QRICH1: variants seen among roughly 807,000 people sequenced by gnomAD.
The protein encoded by QRICH1 is glutamine rich 1.
QRICH1 carries 16 observed loss-of-function variants against 87.1 expected under a neutral mutation model. The ratio of observed to expected loss-of-function variants is 0.18; its 90% CI spans 0.12 to 0.28. QRICH1 has a LOEUF of 0.28. QRICH1 is among the 10% of genes least tolerant of loss of function. The pLI is 1.00. For synonymous variants in QRICH1, 367 were observed against 368.4 expected, an observed-to-expected ratio of 1.00 and a Z score of 0.05; for missense variants, 647 against 951.7, an observed-to-expected ratio of 0.68 and a Z score of 4.21.
At chr3:49,085,142 C>CA (rs939542151) in intron 1 of QRICH1, among the ~76,000 whole-genome samples, 296 of 136,756 alleles carry the variant, frequency 2.2e-3, no homozygotes, top group African/African-American at 5.5e-3. Context: ...GACTCCGTCT[C>CA]AAAAAAAAAA....
chr3:49,051,588 C>A lies in QRICH1; in HGVS notation c.1339-4342G>T, dbSNP rs1170334652. ...CCAAGCTAGAACCCCCCCTGCGCCC[C>A]CCCCCCCCTCCGCTTAATATACCTA... On this transcript the variant is annotated intron_variant, in intron 3 of 9. Transcript: ENST00000395443. 3.3e-3 allele frequency among the ~76,000 whole-genome samples: 433 copies of A among 132,130 alleles called. 6 individuals are homozygous for A. Among genetic ancestry groups the A allele is most frequent in the Non-Finnish European group, 4.2e-3 (259 of 61,270 alleles). The allele number at this position is 132,130 out of a possible 152,430, so 86.7% of individuals were successfully genotyped here.
Position 49,042,321 on chromosome 3 carries a change from G to A in QRICH1, c.1786+2069C>T, listed in dbSNP as rs1018973534. Among the ~76,000 whole-genome samples the A allele has an allele frequency of 2.6e-5, 4 of 151,434 alleles. No homozygotes were observed. The East Asian group carries it at 7.8e-4, about 30-fold the overall frequency. On this transcript the variant is annotated intron_variant, in intron 6 of 9. Transcript: ENST00000395443. ...TCACCGTGTTAGCCAGGATGGTCTC[G>A]ATCTCCCGACCTTGTGATCCACATG...
At chr3:49,061,398 A>G (rs1215187607) in intron 2 of QRICH1, among the ~76,000 whole-genome samples, 1 of 152,264 alleles carries the variant, frequency 6.6e-6, no homozygotes, top group Admixed American at 6.5e-5. Context: ...CATGTTTCTG[A>G]TAACAATACA....
At chr3:49,031,408 AAC>A (rs2093238621) in intron 9 of QRICH1, among the ~76,000 whole-genome samples, 1 of 152,190 alleles carries the variant, frequency 6.6e-6, no homozygotes, top group African/African-American at 2.4e-5. Flanking sequence ...TGTATCCTCT[AAC>A]AGTTATTCAT....
At chr3:49,035,527 G>A (rs1208361077) in intron 6 of QRICH1, among the ~76,000 whole-genome samples, 1 of 151,984 alleles carries the variant, frequency 6.6e-6, no homozygotes, top group Non-Finnish European at 1.5e-5. Flanking sequence ...ACTTGGCTGG[G>A]TGTGGTTACT....
intron 2 of QRICH1, among the ~76,000 whole-genome samples, chr3:49,073,714 T>A (rs2041892627): frequency 6.6e-6 from 1 of 151,690 alleles, no homozygotes; most frequent in Non-Finnish European, 1.5e-5. Context: ...TGGCACGATC[T>A]CAGCTCACTG....
At chr3:49,060,641 T>A (rs898201363) in intron 2 of QRICH1, among the ~76,000 whole-genome samples, 1 of 152,150 alleles carries the variant, frequency 6.6e-6, no homozygotes, top group Non-Finnish European at 1.5e-5. Context: ...CCAGCCTGAT[T>A]TTTTGGGCAG....
intron 6 of QRICH1, among the ~76,000 whole-genome samples, chr3:49,039,618 CAAAAAAA>C (rs899570014): frequency 1.2e-4 from 2 of 16,352 alleles, no homozygotes; most frequent in African/African-American, 2.8e-4. Flanking sequence ...GACTCCATCT[CAAAAAAA>C]AAAAAAAAAA....
intron 6 of QRICH1, among the ~76,000 whole-genome samples, chr3:49,034,495 C>G (rs1346745351): frequency 6.6e-6 from 1 of 151,874 alleles, no homozygotes; most frequent in African/African-American, 2.4e-5. Context: ...GTCACCCAAG[C>G]TAGAGTACAG....
intron 3 of QRICH1, among the ~76,000 whole-genome samples, chr3:49,055,466 C>T (rs991060109): frequency 6.6e-6 from 1 of 152,184 alleles, no homozygotes; most frequent in Non-Finnish European, 1.5e-5. Flanking sequence ...CTCAACCTCC[C>T]AGGCTCATGC....
chr3:49,085,435 A>G (rs2042150495), intron 1 of QRICH1, among the ~76,000 whole-genome samples: 1 of 152,018 alleles, frequency 6.6e-6, no homozygotes, highest in Admixed American at 6.6e-5. Flanking sequence ...GGTTGATCAT[A>G]GTACGATTTT....
chr3:49,033,965 CAA>C (rs540605663), intron 6 of QRICH1: 19,485 of 151,002 alleles, frequency 0.13, 1,409 homozygotes, highest in Middle Eastern at 0.17. Context: ...CCAGCCTCGG[CAA>C]CAGAGCGAGA....
At position 49,030,581 on chromosome 3, in the gene QRICH1, G is replaced by A. The variant is rs2093230067; in HGVS notation, c.2202C>T (p.Pro734=). Residue 734 remains proline (P), a synonymous_variant, in exon 10 of 10, where the codon CCC becomes CCT. Transcript: ENST00000395443. ...GGACTGAGTACCAGATTGGGCTGTT[G>A]GGGGCCACCACTGGCTCAGGTGTCA... is the stretch of plus-strand genomic sequence containing the variant. ...FYLTPEPVVA[P]NSPIWYSVQP... is the part of the protein sequence containing the mutation. The A allele has an allele frequency of 6.2e-7, 1 of 1,612,144 alleles. No homozygotes were observed. Among genetic ancestry groups the A allele is most frequent in the Non-Finnish European group, 8.5e-7 (1 of 1,178,958 alleles).
intron 2 of QRICH1, among the ~76,000 whole-genome samples, chr3:49,064,265 A>T (rs1304290127): frequency 9.1e-6 from 1 of 109,486 alleles, no homozygotes; most frequent in Non-Finnish European, 1.9e-5. Flanking sequence ...TTTTGGAGAC[A>T]AGAGTCTCAG....
intron 6 of QRICH1, among the ~76,000 whole-genome samples, chr3:49,043,373 G>A (rs2093321630): frequency 6.6e-6 from 1 of 151,560 alleles, no homozygotes; most frequent in Admixed American, 6.6e-5. Flanking sequence ...GCATGCTCCT[G>A]TAATCCCAGC....
chr3:49,032,013 T>C (rs187246632), intron 9 of QRICH1, among the ~76,000 whole-genome samples, 170 bp downstream of exon 9: 20 of 152,306 alleles, frequency 1.3e-4, no homozygotes, highest in Admixed American at 5.9e-4. Context: ...TCACACACCT[T>C]TGGAAAGCCA....
chr3:49,051,288 A>G (rs1469047342), intron 3 of QRICH1, among the ~76,000 whole-genome samples: 1 of 151,994 alleles, frequency 6.6e-6, no homozygotes, highest in East Asian at 1.9e-4. Flanking sequence ...AACCTACTGG[A>G]CCTTTCTGGC....
chr3:49,058,992 C>T (rs1209602420), intron 2 of QRICH1, among the ~76,000 whole-genome samples: 3 of 133,188 alleles, frequency 2.3e-5, no homozygotes, highest in Non-Finnish European at 3.2e-5. Flanking sequence ...GACGGAGTCT[C>T]GCTTTGTCGC....
chr3:49,042,072 C>A (rs1191364515), intron 6 of QRICH1, among the ~76,000 whole-genome samples: 3 of 128,268 alleles, frequency 2.3e-5, no homozygotes, highest in Admixed American at 1.7e-4. Flanking sequence ...CGCGCCCAGA[C>A]TGTGTTTTTT....
Sources: gnomAD v4.1 joint callset for allele counts (sites outside exome capture counted in the v4.1 genomes callset) on GRCh38, gnomAD v4.1.1 for gene constraint, MANE v1.5 for transcripts, NCBI Gene and HGNC (gene_info 2026-07-23, HGNC 2026-07-21) for gene names.